Variants in RAD51D observed in about 807,000 individuals in gnomAD.
RAD51D encodes DNA repair protein RAD51 homolog 4.
In RAD51D, 38 loss-of-function variants were observed where a neutral mutation model predicts 44.1. The observed-to-expected ratio is 0.86, with a 90% CI of 0.67 to 1.13. The LOEUF (loss-of-function observed/expected upper bound fraction) is 1.13. Ranked by LOEUF, RAD51D falls within the 50% of genes most tolerant of loss-of-function variation. The pLI, the probability that RAD51D is intolerant of heterozygous loss-of-function variation, is 0.00. For missense variants in RAD51D, 390 were observed against 414.0 expected (o/e 0.94, Z 0.50); for synonymous variants, 141 against 166.6 (o/e 0.85, Z 1.18).
rs1258276444 is a variant in RAD51D at position 35,106,398 on chromosome 17, A to G, written c.564T>C (p.Thr188=). 1 of 1,613,018 alleles carries G rather than the reference A, an allele frequency of 6.2e-7. No individual in the cohort carries two copies. Among genetic ancestry groups the G allele is most frequent in the South Asian group, 1.1e-5 (1 of 90,780 alleles). Residue 188 remains threonine, a synonymous_variant, in exon 6 of 10, where the codon ACT becomes ACC. Transcript: ENST00000345365. Reference sequence around the variant, plus strand: ...ACAGCAGGCTCACCTGCTGGGCCACAGTGCCTCGGAGCTCCTGCAGCACAT... The same window carrying G: ...ACAGCAGGCTCACCTGCTGGGCCACGGTGCCTCGGAGCTCCTGCAGCACAT... The part of the protein sequence containing the change: ...MLDVLQELRG[T]VAQQVTGSSG...
Position 35,119,766 on chromosome 17 carries a change from C to A in RAD51D, c.-153G>T, listed in dbSNP as rs1416025954. On this transcript the variant is annotated 5_prime_UTR_variant, in exon 1 of 10. Coordinates refer to ENST00000345365, the MANE Select transcript of RAD51D (RefSeq NM_002878.4). ...GAAAGGAGAGAGGAGGAGGCGGCAC[C>A]AAGGGTAGGGCTGGGGGTCATCCGC... 1.3e-6 allele frequency: 1 copy of A among 789,268 alleles called. No homozygotes were observed. Among genetic ancestry groups the A allele is most frequent in the Non-Finnish European group, 2.1e-6 (1 of 465,892 alleles). The allele number at this position is 789,268 out of a possible 1,614,324, so 48.9% of individuals were successfully genotyped here.
rs755690296 is a variant in RAD51D at position 35,103,414 on chromosome 17, G to T, written c.667+40C>A. ...CCAGACTCCAGAGCTGGGAGGCGAG[G>T]TCACATTCCACTGGCCCCAGGCTCT... On this transcript the variant is annotated intron_variant, in intron 7 of 9. Coordinates refer to ENST00000345365, the MANE Select transcript of RAD51D (RefSeq NM_002878.4). This position sits in a 1 kb window ranked among gnomAD's most constrained non-coding sequence, Gnocchi z 4.1. 1.9e-6 allele frequency: 3 copies of T among 1,610,452 alleles called. No individual in the cohort carries two copies. In the South Asian group the frequency reaches 3.3e-5, roughly 18 times the overall value.
At chr17:35,113,998 C>T (rs1213747506) in intron 3 of RAD51D, among the ~76,000 whole-genome samples, 1 of 152,076 alleles carries the variant, frequency 6.6e-6, no homozygotes, top group African/African-American at 2.4e-5. Flanking sequence ...GTTGGCTGGA[C>T]GCAGTGGCTC....
At chr17:35,109,318 T>A (rs1224035902) in intron 3 of RAD51D, among the ~76,000 whole-genome samples, 1 of 152,270 alleles carries the variant, frequency 6.6e-6, no homozygotes, top group African/African-American at 2.4e-5. Context: ...GAAGGGCATT[T>A]GGTTGTTTCC....
Position 35,097,465 on chromosome 17 carries a change from A to ATATATATG in RAD51D, c.*3487_*3488insCATATATA, listed in dbSNP as rs1567722974. 7.4e-6 allele frequency: 1 copy of ATATATATG among 135,050 alleles called. No individual in the cohort carries two copies. The highest frequency in any genetic ancestry group is 2.7e-5 in the African/African-American group (1 of 37,058). 8.4% of individuals were successfully genotyped at this position (135,050 alleles called of 1,614,324 possible). A position where few individuals can be genotyped will look rare whatever the true frequency, so the allele number is the denominator to read the frequency against. On this transcript the variant is annotated 3_prime_UTR_variant, in exon 10 of 10. Coordinates refer to ENST00000345365, the MANE Select transcript of RAD51D (RefSeq NM_002878.4). Reference sequence around the variant, plus strand: ...TATATATATGTGTGTATATATATATATGTGTGTATATATATGTATATATAT... The same window carrying ATATATATG: ...TATATATATGTGTGTATATATATATATATATATGTGTGTGTATATATATGTATATATAT...
intron 3 of RAD51D, among the ~76,000 whole-genome samples, chr17:35,114,843 C>T (rs1356708902): frequency 6.6e-6 from 1 of 152,170 alleles, no homozygotes. Flanking sequence ...GAACCACTGA[C>T]CTAGACTAAT....
Position 35,108,402 on chromosome 17 carries a change from G to A in RAD51D, c.264-955C>T, listed in dbSNP as rs374604951. Among the ~76,000 whole-genome samples the A allele has an allele frequency of 2.7e-5, 4 of 148,628 alleles. No homozygotes were observed. In the South Asian group the frequency reaches 8.7e-4, roughly 32 times the overall value. On this transcript the variant is annotated intron_variant, in intron 3 of 9. Transcript: ENST00000345365. Reference sequence around the variant, plus strand: ...AATGTATTGTACTAGCCAGGGGCCTGTAGTCTCAGTTACTTGGGAGGCTAA... The same window carrying A: ...AATGTATTGTACTAGCCAGGGGCCTATAGTCTCAGTTACTTGGGAGGCTAA...
intron 3 of RAD51D, among the ~76,000 whole-genome samples, chr17:35,109,483 A>G (rs542434900): frequency 6.6e-6 from 1 of 152,230 alleles, no homozygotes; most frequent in South Asian, 2.1e-4. Context: ...CTACCAAACT[A>G]TTTTCCAGAG....
In RAD51D at chr17:35,099,621, A is replaced by G. The variant is rs2091511813; in HGVS notation, c.*1332T>C. ...GTTTGCCACTCCTTCCCAATCCTCC[A>G]TGATTCTATCCCTGTTGCATTCATC... On this transcript the variant is annotated 3_prime_UTR_variant, in exon 10 of 10. Transcript: ENST00000345365. The G allele has an allele frequency of 2.8e-6, 1 of 361,450 alleles. No homozygotes were observed. Among genetic ancestry groups the G allele is most frequent in the Non-Finnish European group, 5.4e-6 (1 of 184,548 alleles). The allele number at this position is 361,450 out of a possible 1,614,324, so 22.4% of individuals were successfully genotyped here. A position where few individuals can be genotyped will look rare whatever the true frequency, so the allele number is the denominator to read the frequency against.
chr17:35,104,712 G>A (rs1288375129), intron 6 of RAD51D: 1 of 152,142 alleles, frequency 6.6e-6, no homozygotes. Context: ...ATAATTTTCT[G>A]TCTTTACACA....
rs2091503191 is a variant in RAD51D at position 35,098,552 on chromosome 17, T to C, written c.*2401A>G. The C allele has an allele frequency of 6.6e-6, 1 of 151,786 alleles. No individual in the cohort carries two copies. Among genetic ancestry groups the C allele is most frequent in the African/African-American group, 2.4e-5 (1 of 41,294 alleles). The allele number at this position is 151,786 out of a possible 1,614,324, so 9.4% of individuals were successfully genotyped here. A position where few individuals can be genotyped will look rare whatever the true frequency, so the allele number is the denominator to read the frequency against. On this transcript the variant is annotated 3_prime_UTR_variant, in exon 10 of 10. Coordinates refer to ENST00000345365, the MANE Select transcript of RAD51D (RefSeq NM_002878.4). ...CCTGAGTAGCTGGGATTACAGGAAATGGGCCACCATGCCTGGCTAATTTTT... is the reference window on the plus strand; with the variant it reads ...CCTGAGTAGCTGGGATTACAGGAAACGGGCCACCATGCCTGGCTAATTTTT...
At chr17:35,106,293 G>C in intron 6 of RAD51D, 93 bp downstream of exon 6, 7 of 1,051,382 alleles carry the variant, frequency 6.7e-6, no homozygotes, top group Non-Finnish European at 1.0e-5. Flanking sequence ...TTGCACATCT[G>C]CATTTCCAAA....
At position 35,103,993 on chromosome 17, in the gene RAD51D, G is replaced by A. The variant is rs1184064910; in HGVS notation, c.577-449C>T. ...CTCAGGAGGCTGAGGCAGGAGAATC[G>A]CTTGAAACTGGGAGGCGGGGGTTGC... On this transcript the variant is annotated intron_variant, in intron 6 of 9. Transcript: ENST00000345365. This position sits in a 1 kb window ranked among gnomAD's most constrained non-coding sequence, Gnocchi z 4.1. Among the ~76,000 whole-genome samples the A allele has an allele frequency of 6.6e-6, 1 of 152,182 alleles. No individual in the cohort carries two copies. The highest frequency in any genetic ancestry group is 2.4e-5 in the African/African-American group (1 of 41,444).
intron 3 of RAD51D, among the ~76,000 whole-genome samples, chr17:35,115,981 G>GAAAGA (rs2091738731): frequency 6.8e-6 from 1 of 147,678 alleles, no homozygotes; most frequent in Non-Finnish European, 1.5e-5. Flanking sequence ...AAGAAAGAAA[G>GAAAGA]AAAGAAAGAA....
chr17:35,103,500 C>T lies in RAD51D; in HGVS notation c.621G>A (p.Ser207=), dbSNP rs749859221. 7 of 1,614,056 alleles carry T rather than the reference C, an allele frequency of 4.3e-6. No homozygotes were observed. Among genetic ancestry groups the T allele is most frequent in the South Asian group, 3.3e-5 (3 of 91,074 alleles). Residue 207 remains serine (S), a synonymous_variant, in exon 7 of 10, where the codon TCG becomes TCA. Coordinates refer to ENST00000345365, the MANE Select transcript of RAD51D (RefSeq NM_002878.4). This position sits in a 1 kb window ranked among gnomAD's most constrained non-coding sequence, Gnocchi z 4.1. ...SGTVKVVVVD[S]VTAVVSPLLG... ...GAAGTGGGGAAACCACCGCAGTGACCGAGTCCACAACCACCACCTTCACAG... is the reference window on the plus strand; with the variant it reads ...GAAGTGGGGAAACCACCGCAGTGACTGAGTCCACAACCACCACCTTCACAG...
At chr17:35,115,515 A>G (rs2142460837) in intron 3 of RAD51D, among the ~76,000 whole-genome samples, 1 of 152,266 alleles carries the variant, frequency 6.6e-6, no homozygotes, top group Middle Eastern at 3.4e-3. Context: ...ACTTCTGACT[A>G]CAGAACTCCC....
chr17:35,106,221 A>G, intron 6 of RAD51D, 165 bp downstream of exon 6: 5 of 747,686 alleles, frequency 6.7e-6, no homozygotes, highest in Non-Finnish European at 1.2e-5. Flanking sequence ...ACAATGAGGT[A>G]TGTGATTTAG....
At chr17:35,117,169 G>A in intron 3 of RAD51D, 5 of 973,200 alleles carry the variant, frequency 5.1e-6, no homozygotes, top group Non-Finnish European at 7.7e-6. Context: ...CCCAACTAGA[G>A]GCCTTAAGGG....
At chr17:35,108,868 CTTTT>C (rs35092882) in intron 3 of RAD51D, among the ~76,000 whole-genome samples, 5 of 122,632 alleles carry the variant, frequency 4.1e-5, no homozygotes, top group African/African-American at 6.4e-5. Flanking sequence ...TTTTTCTTTT[CTTTT>C]TTTTTTTTTT....
Sources: gnomAD v4.1 joint callset for allele counts (sites outside exome capture counted in the v4.1 genomes callset) on GRCh38, gnomAD v4.1.1 for gene constraint, Gnocchi (gnomAD v3.1) non-coding constraint, MANE v1.5 for transcripts, NCBI Gene and HGNC (gene_info 2026-07-23, HGNC 2026-07-21) for gene names.